Variants in HS2ST1 observed in about 807,000 individuals in gnomAD.
The protein encoded by HS2ST1 is heparan sulfate 2-O-sulfotransferase 1, also known as 2-O-sulfotransferase.
HS2ST1 carries 18 observed loss-of-function variants against 42.9 expected under a neutral mutation model. The ratio of observed to expected loss-of-function variants is 0.42; its 90% CI spans 0.29 to 0.62. The LOEUF is 0.62. Among genes scored for constraint, HS2ST1 ranks in the 20% least tolerant of loss-of-function variants. The pLI is 0.21. For synonymous variants in HS2ST1, 146 were observed against 152.9 expected (o/e 0.95, Z 0.33); for missense variants, 334 against 433.8 (o/e 0.77, Z 2.04).
intron 1 of HS2ST1, chr1:87,045,122 G>A: frequency 1.1e-6 from 1 of 879,278 alleles, no homozygotes; most frequent in Admixed American, 1.8e-5. Context: ...CTGTGGAGGT[G>A]GAAGGCTGAC....
intron 1 of HS2ST1, among the ~76,000 whole-genome samples, chr1:86,946,804 A>G (rs1570438648): frequency 6.6e-6 from 1 of 152,226 alleles, no homozygotes; most frequent in African/African-American, 2.4e-5. Context: ...TCCACTGTTC[A>G]CTAACAAAAG....
chr1:87,026,179 G>A (rs139627090), intron 1 of HS2ST1, among the ~76,000 whole-genome samples: 6 of 152,226 alleles, frequency 3.9e-5, no homozygotes, highest in South Asian at 2.1e-4. Context: ...ATGTTCATTC[G>A]ATTTTGGTAG....
rs1206732495 is a variant in HS2ST1 at position 86,985,399 on chromosome 1, CATATATAT to C, written c.124+70241_124+70248del. On this transcript the variant is annotated intron_variant, in intron 1 of 6. Coordinates refer to ENST00000370550, the MANE Select transcript of HS2ST1 (RefSeq NM_012262.4). ...ATATATATATACACACACACACACA[CATATATAT>C]ACACATATATATACACATATATACA... Among the ~76,000 whole-genome samples the C allele has an allele frequency of 4.4e-3, 147 of 33,694 alleles. 11 individuals are homozygous for C. Among genetic ancestry groups the C allele is most frequent in the East Asian group, 0.02 (3 of 150 alleles). The allele number at this position is 33,694 out of a possible 152,430, so 22.1% of individuals were successfully genotyped here.
intron 1 of HS2ST1, among the ~76,000 whole-genome samples, chr1:86,970,421 G>A (rs899342316): frequency 1.1e-4 from 17 of 151,498 alleles, no homozygotes; most frequent in African/African-American, 3.9e-4. Context: ...TTTTTTTTGA[G>A]ACAGAGTCTT....
chr1:87,085,014 T>A (rs976594337), intron 3 of HS2ST1, among the ~76,000 whole-genome samples: 1 of 152,182 alleles, frequency 6.6e-6, no homozygotes, highest in Non-Finnish European at 1.5e-5. Flanking sequence ...ATTCAAGTAC[T>A]ATGTGGCTTT....
At chr1:87,012,205 A>T (rs1649616419) in intron 1 of HS2ST1, among the ~76,000 whole-genome samples, 1 of 152,098 alleles carries the variant, frequency 6.6e-6, no homozygotes, top group Admixed American at 6.6e-5. Context: ...ATCACTGTCA[A>T]TATTTGTATT....
chr1:87,056,514 T>C (rs1650974443), intron 1 of HS2ST1, among the ~76,000 whole-genome samples: 1 of 152,178 alleles, frequency 6.6e-6, no homozygotes, highest in Admixed American at 6.5e-5. Flanking sequence ...TTATTCAGAC[T>C]TGTGTAGTTG....
At chr1:87,067,626 G>A (rs1398694998) in intron 1 of HS2ST1, among the ~76,000 whole-genome samples, 1 of 152,246 alleles carries the variant, frequency 6.6e-6, no homozygotes, top group Admixed American at 6.5e-5. Context: ...TGGTGTTTTA[G>A]TCATGAAGTC....
At chr1:86,996,276 C>T (rs1359990772) in intron 1 of HS2ST1, among the ~76,000 whole-genome samples, 1 of 151,880 alleles carries the variant, frequency 6.6e-6, no homozygotes, top group Non-Finnish European at 1.5e-5. Flanking sequence ...AACCCCGTCT[C>T]TACTAAAAAT....
rs535404632 is a variant in HS2ST1, at chr1:87,081,154, C to T, written c.364-3040C>T. ...TTCTTTCAGCACTGGACAGAACACC[C>T]AGACAGAAAAACCACAAAGAAATAT... On this transcript the variant is annotated intron_variant, in intron 2 of 6. Transcript: ENST00000370550. Among the ~76,000 whole-genome samples, 11 of 152,236 alleles carry T rather than the reference C, an allele frequency of 7.2e-5. No homozygotes were observed. The East Asian group carries it at 2.1e-3, about 29-fold the overall frequency.
intron 1 of HS2ST1, among the ~76,000 whole-genome samples, chr1:86,970,054 G>A (rs1227539437): frequency 6.6e-6 from 1 of 151,740 alleles, no homozygotes; most frequent in African/African-American, 2.4e-5. Flanking sequence ...GAACCTGGGA[G>A]GCAGAGATCG....
At chr1:87,037,961 A>G (rs952833121) in intron 1 of HS2ST1, among the ~76,000 whole-genome samples, 8 of 152,006 alleles carry the variant, frequency 5.3e-5, no homozygotes, top group Non-Finnish European at 1.0e-4. Context: ...CATTCAAGCA[A>G]ATGTTTTTCT....
intron 1 of HS2ST1, among the ~76,000 whole-genome samples, chr1:87,015,848 A>ATC (rs1305988947): frequency 6.6e-6 from 1 of 151,532 alleles, no homozygotes; most frequent in Non-Finnish European, 1.5e-5. Context: ...GATGGAGTCT[A>ATC]TCTCTGTCAC....
chr1:86,963,808 CT>C (rs1247646788), intron 1 of HS2ST1, among the ~76,000 whole-genome samples: 8 of 145,662 alleles, frequency 5.5e-5, no homozygotes, highest in Non-Finnish European at 1.1e-4. Flanking sequence ...ACCTCCCCCC[CT>C]GGACGGGGCG....
intron 1 of HS2ST1, among the ~76,000 whole-genome samples, chr1:87,039,144 A>G (rs917636498): frequency 3.3e-5 from 5 of 152,150 alleles, no homozygotes; most frequent in Non-Finnish European, 7.4e-5. Context: ...TAGTTTTCAA[A>G]ATGGCAGTTC....
At chr1:87,037,650 G>A (rs77794300) in intron 1 of HS2ST1, among the ~76,000 whole-genome samples, 3,620 of 149,810 alleles carry the variant, frequency 0.024, 45 homozygotes, top group South Asian at 0.053. Context: ...CTTGTATAAA[G>A]TAACCTATTA....
chr1:86,942,928 T>TC (rs780642030), intron 1 of HS2ST1, among the ~76,000 whole-genome samples: 1 of 149,254 alleles, frequency 6.7e-6, no homozygotes, highest in Non-Finnish European at 1.5e-5. Flanking sequence ...TGATTTTTTT[T>TC]CCCCCCTTAT....
chr1:86,982,730 G>C lies in HS2ST1; in HGVS notation c.124+67570G>C, dbSNP rs191656967. 3.3e-4 allele frequency among the ~76,000 whole-genome samples: 50 copies of C among 152,202 alleles called. No individual in the cohort carries two copies. In the South Asian group the frequency reaches 4.4e-3, roughly 13 times the overall value. On this transcript the variant is annotated intron_variant, in intron 1 of 6. Transcript: ENST00000370550. ...GGGATTTCACCGTGTTAGCCAGGATGGTCTCAATCTCCTGACCTCGTGATC... is the reference window on the plus strand; with the variant it reads ...GGGATTTCACCGTGTTAGCCAGGATCGTCTCAATCTCCTGACCTCGTGATC...
At chr1:86,982,575 C>T (rs555069042) in intron 1 of HS2ST1, among the ~76,000 whole-genome samples, 5 of 152,102 alleles carry the variant, frequency 3.3e-5, no homozygotes, top group East Asian at 3.9e-4. Flanking sequence ...AGTGCAGTGG[C>T]GCCATCTCAG....
Sources: gnomAD v4.1 joint callset for allele counts (sites outside exome capture counted in the v4.1 genomes callset) on GRCh38, gnomAD v4.1.1 for gene constraint, MANE v1.5 for transcripts, NCBI Gene and HGNC (gene_info 2026-07-23, HGNC 2026-07-21) for gene names.